FBN3: variants seen among roughly 807,000 people sequenced by gnomAD.
FBN3 encodes the protein fibrillin 3, also known as fibrillin-3.
Under a neutral mutation model 330.1 loss-of-function variants are expected in FBN3, and 234 were observed. That is an observed-to-expected ratio of 0.71 (90% CI 0.64 to 0.79). The LOEUF (loss-of-function observed/expected upper bound fraction) is 0.79. Among genes scored for constraint, FBN3 ranks in the 30% least tolerant of loss-of-function variants. The pLI is 0.00. For missense variants in FBN3, 3,606 were observed against 3,886.9 expected, an observed-to-expected ratio of 0.93 and a Z score of 1.92; for synonymous variants, 1,458 against 1,517.3, an observed-to-expected ratio of 0.96 and a Z score of 0.91.
intron 38 of FBN3, among the ~76,000 whole-genome samples, chr19:8,105,204 C>A (rs1209189896): frequency 6.6e-6 from 1 of 151,742 alleles, no homozygotes; most frequent in African/African-American, 2.4e-5. Flanking sequence ...CTGCCCACCT[C>A]GGCCTCCCAA....
At chr19:8,069,768 T>C (rs748254825) in intron 63 of FBN3, among the ~76,000 whole-genome samples, 6 of 152,144 alleles carry the variant, frequency 3.9e-5, no homozygotes, top group Non-Finnish European at 5.9e-5. Context: ...TTACTTTTTG[T>C]AGGTGGAGGG....
chr19:8,073,240 GTGTTGC>G lies in FBN3; in HGVS notation c.7754_7759del (p.Arg2585_Thr2587delinsPro), dbSNP rs1568353210. On this transcript the variant is annotated inframe_deletion, in exon 62 of 64. Coordinates refer to ENST00000600128, the MANE Select transcript of FBN3 (RefSeq NM_032447.5). ...GCAGACGCAGCGGAAGCCACCAAGA[GTGTTGC>G]GACAGGAGGCGCTCCCGCAGGTGGG... is the stretch of plus-strand genomic sequence containing the variant. The G allele has an allele frequency of 2.5e-6, 4 of 1,614,090 alleles. No homozygotes were observed. The highest frequency in any genetic ancestry group is 3.3e-5 in the Admixed American group (2 of 60,016).
chr19:8,131,121 G>A lies in FBN3; in HGVS notation c.2044+114C>T. On this transcript the variant is annotated intron_variant, in intron 16 of 63. Coordinates refer to ENST00000600128, the MANE Select transcript of FBN3 (RefSeq NM_032447.5). The surrounding 1 kb of genome is among the most constrained non-coding windows in gnomAD (Gnocchi z 4.5). The stretch of plus-strand genomic sequence containing the variant: ...TTCTGTTGTTGAAGCCGTCTGGTCT[G>A]GGGCACTTTGTTACGGGAACCCCGG... 3 of 921,476 alleles carry A rather than the reference G, an allele frequency of 3.3e-6. No individual in the cohort carries two copies. Among genetic ancestry groups the A allele is most frequent in the South Asian group, 1.6e-5 (1 of 62,190 alleles). The allele number at this position is 921,476 out of a possible 1,614,324, so 57.1% of individuals were successfully genotyped here.
chr19:8,134,669 C>T (rs2083236350), intron 13 of FBN3, among the ~76,000 whole-genome samples: 1 of 152,186 alleles, frequency 6.6e-6, no homozygotes, highest in Non-Finnish European at 1.5e-5. Context: ...CGCAATGGCT[C>T]ACGCCTGTAA....
intron 13 of FBN3, 33 bp downstream of exon 13, chr19:8,135,928 A>G (rs1203832016): frequency 1.7e-6 from 2 of 1,191,826 alleles, no homozygotes; most frequent in Non-Finnish European, 2.4e-6. Flanking sequence ...TGGGGCCCGG[A>G]AGCCCCTGCC....
intron 8 of FBN3, among the ~76,000 whole-genome samples, chr19:8,140,920 C>T (rs547664432): frequency 2.7e-4 from 41 of 152,060 alleles, no homozygotes; most frequent in East Asian, 1.6e-3. Flanking sequence ...CAGCCGGGCG[C>T]GGTGGCTCAC....
At chr19:8,130,665 G>GAAAAGAA (rs2083123028) in intron 16 of FBN3, among the ~76,000 whole-genome samples, 1 of 109,442 alleles carries the variant, frequency 9.1e-6, no homozygotes, top group Admixed American at 9.1e-5. Context: ...GAAAGGAAAA[G>GAAAAGAA]AAAAGAAAAG....
intron 47 of FBN3, among the ~76,000 whole-genome samples, chr19:8,094,071 C>T (rs1023595730): frequency 6.6e-6 from 1 of 152,124 alleles, no homozygotes; most frequent in African/African-American, 2.4e-5. Context: ...GGAGATTAGG[C>T]CAGACTTGTT....
At chr19:8,144,842 C>A (rs1350507218) in intron 6 of FBN3, 35 bp downstream of exon 6, 3 of 1,523,422 alleles carry the variant, frequency 2.0e-6, no homozygotes, top group South Asian at 2.4e-5. Context: ...TCCATCGAGT[C>A]CCCTGTCTAC....
rs759046002 is a variant in FBN3 at position 8,121,417 on chromosome 19, G to A, written c.3083-31C>T. The A allele has an allele frequency of 2.2e-5, 34 of 1,557,126 alleles. No individual in the cohort carries two copies. Among genetic ancestry groups the A allele is most frequent in the Non-Finnish European group, 2.8e-5 (32 of 1,148,752 alleles). ...GGGAGAGGGGGCAGAGGCCGGAGGCGCCATGTGGGCCGCATCATGGGGCAC... is the reference window on the plus strand; with the variant it reads ...GGGAGAGGGGGCAGAGGCCGGAGGCACCATGTGGGCCGCATCATGGGGCAC... On this transcript the variant is annotated intron_variant, in intron 24 of 63. Coordinates refer to ENST00000600128, the MANE Select transcript of FBN3 (RefSeq NM_032447.5). The surrounding 1 kb of genome is among the most constrained non-coding windows in gnomAD (Gnocchi z 4.5).
At chr19:8,086,137 G>A (rs879037473) in intron 55 of FBN3, 63 bp downstream of exon 55, 22 of 1,088,420 alleles carry the variant, frequency 2.0e-5, no homozygotes, top group African/African-American at 1.9e-4. Flanking sequence ...AGTGGGGGGG[G>A]ACAGGCAGTG....
In FBN3 at chr19:8,089,683, G is replaced by A; in HGVS notation, c.6251-13C>T. The A allele has an allele frequency of 6.2e-7, 1 of 1,613,696 alleles. No homozygotes were observed. Among genetic ancestry groups the A allele is most frequent in the Non-Finnish European group, 8.5e-7 (1 of 1,179,800 alleles). On this transcript the variant is annotated splice_polypyrimidine_tract_variant and intron_variant, in intron 50 of 63. Transcript: ENST00000600128. ...CACTCATTCACGTCTGCGGATGGCA[G>A]GCGTTGCAGACATGGCTTCTGTCAC...
chr19:8,121,707 ATTTG>A lies in FBN3; in HGVS notation c.3083-325_3083-322del, dbSNP rs980260026. 9.9e-5 allele frequency among the ~76,000 whole-genome samples: 15 copies of A among 151,636 alleles called. No homozygotes were observed. The highest frequency in any genetic ancestry group is 2.1e-4 in the South Asian group (1 of 4,778). On this transcript the variant is annotated intron_variant, in intron 24 of 63. Transcript: ENST00000600128. The surrounding 1 kb of genome is among the most constrained non-coding windows in gnomAD (Gnocchi z 4.5). The stretch of plus-strand genomic sequence containing the variant: ...TCCATTTTCTTTATTTTGATGGTAG[ATTTG>A]TTTGTTTGTTTTATTTTATTTTATT...
chr19:8,135,936 G>GAGAC, intron 13 of FBN3, 25 bp downstream of exon 13: 1 of 668,778 alleles, frequency 1.5e-6, no homozygotes, highest in South Asian at 1.6e-5. Context: ...GGAAGCCCCT[G>GAGAC]CCCACCCGCC....
chr19:8,072,998 T>TGC, intron 62 of FBN3, 65 bp downstream of exon 62: 1 of 897,000 alleles, frequency 1.1e-6, no homozygotes, highest in Non-Finnish European at 1.8e-6. Context: ...TGTGTGTGTG[T>TGC]GTGTGCGTGC....
At chr19:8,124,771 A>G (rs1483212839) in intron 22 of FBN3, among the ~76,000 whole-genome samples, 3 of 151,984 alleles carry the variant, frequency 2.0e-5, no homozygotes, top group African/African-American at 7.3e-5. Context: ...CCTAACCTCA[A>G]GCAATCCACC....
intron 56 of FBN3, 107 bp downstream of exon 56, chr19:8,085,256 C>CACACACAG (rs3222751): frequency 5.5e-5 from 48 of 868,432 alleles, no homozygotes; most frequent in African/African-American, 4.9e-4. Flanking sequence ...CACACACACA[C>CACACACAG]AGTGTGGCTC....
Position 8,109,771 on chromosome 19 carries a change from G to A in FBN3, c.4334-18C>T, listed in dbSNP as rs547078672. ...GTTGATGTCTGTAGGGAGGAAGCGCGGTCCTCAGCAGGGAGCCCCTTCCTC... is the reference window on the plus strand; with the variant it reads ...GTTGATGTCTGTAGGGAGGAAGCGCAGTCCTCAGCAGGGAGCCCCTTCCTC... On this transcript the variant is annotated intron_variant, in intron 34 of 63. Coordinates refer to ENST00000600128, the MANE Select transcript of FBN3 (RefSeq NM_032447.5). This position sits in a 1 kb window ranked among gnomAD's most constrained non-coding sequence, Gnocchi z 5.2. 8.3e-6 allele frequency: 12 copies of A among 1,449,074 alleles called. No homozygotes were observed. Among genetic ancestry groups the A allele is most frequent in the South Asian group, 3.2e-5 (2 of 62,548 alleles). The allele number at this position is 1,449,074 out of a possible 1,614,324, so 89.8% of individuals were successfully genotyped here. A position where few individuals can be genotyped will look rare whatever the true frequency, so the allele number is the denominator to read the frequency against.
chr19:8,095,464 C>G lies in FBN3; in HGVS notation c.5696G>C (p.Arg1899Pro), dbSNP rs374720282. The change falls in exon 46 of 64, where the codon CGA becomes CCA. Residue 1899 changes from arginine to proline, a missense_variant. Physicochemically the swap from Arg to Pro is moderately radical, Grantham distance 103. Transcript: ENST00000600128. ...AGCTGTGTTGAGGCAATGGCCAAAT[C>G]GGCACACCTGCCCCACCAGGGTAGT... ...ECTTLVGQVCRFGHCLNTAGS... is the reference protein window; with the variant it reads ...ECTTLVGQVCPFGHCLNTAGS... The G allele has an allele frequency of 6.2e-7, 1 of 1,613,752 alleles. No homozygotes were observed. The highest frequency in any genetic ancestry group is 1.1e-5 in the South Asian group (1 of 91,048).
Sources: gnomAD v4.1 joint callset for allele counts (sites outside exome capture counted in the v4.1 genomes callset) on GRCh38, gnomAD v4.1.1 for gene constraint, Gnocchi (gnomAD v3.1) non-coding constraint, MANE v1.5 for transcripts, NCBI Gene and HGNC (gene_info 2026-07-23, HGNC 2026-07-21) for gene names.